Variants in MAGI1 observed in about 807,000 individuals in gnomAD.
MAGI1 encodes the protein membrane associated guanylate kinase, WW and PDZ domain containing 1, also known as membrane-associated guanylate kinase, WW and PDZ domain-containing protein 1.
A neutral mutation model predicts 139.9 loss-of-function variants in MAGI1; 58 were observed. That is an observed-to-expected ratio of 0.41 (90% confidence interval 0.34 to 0.52). The LOEUF is 0.52. Ranked by LOEUF, MAGI1 falls within the 20% of genes least tolerant of loss-of-function variation. The probability of loss-of-function intolerance (pLI) is 0.12; values close to 1 mark genes in which losing one functional copy is unlikely to be tolerated. For synonymous variants in MAGI1, 812 were observed against 737.9 expected (o/e 1.10, Z -1.63); for missense variants, 1,874 against 1,901.6 (o/e 0.99, Z 0.27).
intron 2 of MAGI1, among the ~76,000 whole-genome samples, chr3:65,529,516 A>C (rs2078540272): frequency 6.6e-6 from 1 of 152,200 alleles, no homozygotes; most frequent in Admixed American, 6.5e-5. Context: ...CAAGGCATGT[A>C]ATGTGGCATG....
At chr3:65,910,769 C>T (rs2061626478) in intron 1 of MAGI1, among the ~76,000 whole-genome samples, 1 of 150,038 alleles carries the variant, frequency 6.7e-6, no homozygotes, top group Admixed American at 6.7e-5. Context: ...CATGAAGGTC[C>T]TGACCTAGTA....
At chr3:65,815,016 G>T (rs532305948) in intron 1 of MAGI1, among the ~76,000 whole-genome samples, 1 of 149,680 alleles carries the variant, frequency 6.7e-6, no homozygotes, top group Non-Finnish European at 1.5e-5. Flanking sequence ...CATCCACTTG[G>T]GAAACACAGC....
chr3:65,623,252 GGTT>G (rs55663245), intron 1 of MAGI1, among the ~76,000 whole-genome samples: 8 of 151,752 alleles, frequency 5.3e-5, no homozygotes, highest in African/African-American at 7.2e-5. Flanking sequence ...GTTGCTTTTT[GGTT>G]GTTGTTGTTG....
At chr3:66,030,478 A>C (rs2068530244) in intron 1 of MAGI1, among the ~76,000 whole-genome samples, 1 of 152,214 alleles carries the variant, frequency 6.6e-6, no homozygotes, top group Admixed American at 6.5e-5. Flanking sequence ...TACATTCTAG[A>C]GAAAGAGGTA....
intron 3 of MAGI1, among the ~76,000 whole-genome samples, chr3:65,480,427 G>C (rs1296733818): frequency 2.6e-5 from 4 of 151,822 alleles, no homozygotes; most frequent in African/African-American, 4.8e-5. Context: ...CAGCTACTTG[G>C]GGGTGCTGAA....
rs141683534 is a variant in MAGI1, at chr3:65,790,391, T to C, written c.314-168303A>G. On this transcript the variant is annotated intron_variant, in intron 1 of 22. Transcript: ENST00000402939. ...CTGAGGCCTCCTTGCAAAATAGTTG[T>C]CCAGCAAAGCTCTGCCTAAATAAAT... 2.0e-5 allele frequency among the ~76,000 whole-genome samples: 3 copies of C among 152,320 alleles called. No homozygotes were observed. In the East Asian group the frequency reaches 5.8e-4, roughly 29 times the overall value.
chr3:65,882,696 G>A (rs1312063505), intron 1 of MAGI1, among the ~76,000 whole-genome samples: 1 of 152,158 alleles, frequency 6.6e-6, no homozygotes, highest in Non-Finnish European at 1.5e-5. Context: ...ACTTTGGGAA[G>A]CTGAGGCAGG....
chr3:65,905,076 G>A (rs182674877), intron 1 of MAGI1, among the ~76,000 whole-genome samples: 99 of 152,246 alleles, frequency 6.5e-4, no homozygotes, highest in Middle Eastern at 3.4e-3. Flanking sequence ...CTAAAAATAA[G>A]AATAACACTA....
intron 1 of MAGI1, among the ~76,000 whole-genome samples, chr3:65,743,410 G>C (rs958001884): frequency 6.6e-6 from 1 of 152,020 alleles, no homozygotes; most frequent in Non-Finnish European, 1.5e-5. Context: ...ATCTCTGCCA[G>C]TATTTAAAAT....
At chr3:65,817,459 A>C (rs1451675579) in intron 1 of MAGI1, among the ~76,000 whole-genome samples, 2 of 152,196 alleles carry the variant, frequency 1.3e-5, no homozygotes, top group Non-Finnish European at 2.9e-5. Flanking sequence ...AGTAATACTA[A>C]AACCCAGGCA....
chr3:65,813,964 T>C (rs1427400642), intron 1 of MAGI1, among the ~76,000 whole-genome samples: 2 of 152,182 alleles, frequency 1.3e-5, no homozygotes, highest in Non-Finnish European at 1.5e-5. Context: ...ATCCCAGACT[T>C]AGCCATCCTC....
At chr3:65,374,918 A>T (rs73125514) in intron 18 of MAGI1, among the ~76,000 whole-genome samples, 5,298 of 152,302 alleles carry the variant, frequency 0.035, 136 homozygotes, top group Non-Finnish European at 0.049. Context: ...TTCTTCATTC[A>T]CATCCAAAAA....
intron 1 of MAGI1, among the ~76,000 whole-genome samples, chr3:65,812,464 T>TCACACACACACACACACA (rs1266501515): frequency 2.1e-5 from 2 of 93,764 alleles, no homozygotes; most frequent in African/African-American, 7.1e-5. Context: ...TCTCTCTCTC[T>TCACACACACACACACACA]CTCTCACACA....
intron 1 of MAGI1, among the ~76,000 whole-genome samples, chr3:65,862,762 T>TAGAGCCC (rs1238811035): frequency 2.0e-5 from 3 of 152,224 alleles, no homozygotes; most frequent in Admixed American, 1.3e-4. Context: ...ATGCAGAGCC[T>TAGAGCCC]AGAGCCCTGA....
intron 1 of MAGI1, among the ~76,000 whole-genome samples, chr3:65,695,858 A>C (rs1045426032): frequency 6.6e-6 from 1 of 152,210 alleles, no homozygotes; most frequent in Non-Finnish European, 1.5e-5. Flanking sequence ...GATGTCTGCC[A>C]TGAGTGTAGC....
intron 2 of MAGI1, among the ~76,000 whole-genome samples, chr3:65,521,865 T>C (rs1365368473): frequency 6.6e-6 from 1 of 152,218 alleles, no homozygotes; most frequent in Admixed American, 6.5e-5. Flanking sequence ...TTTTAAATTA[T>C]AATGGTGATT....
Position 65,573,506 on chromosome 3 carries a change from A to T in MAGI1, c.430+48466T>A, listed in dbSNP as rs112306048. On this transcript the variant is annotated intron_variant, in intron 2 of 22. Coordinates refer to ENST00000402939, the MANE Select transcript of MAGI1 (RefSeq NM_001033057.2). ...TAGTCCTCTCAGTAGACACAGAAAAAGTATTTCAGAAACTCCCACATTTAT... is the reference window on the plus strand; with the variant it reads ...TAGTCCTCTCAGTAGACACAGAAAATGTATTTCAGAAACTCCCACATTTAT... 6.7e-3 allele frequency among the ~76,000 whole-genome samples: 1,025 copies of T among 152,028 alleles called. 7 individuals are homozygous for T. Among genetic ancestry groups the T allele is most frequent in the African/African-American group, 0.023 (937 of 41,504 alleles).
intron 1 of MAGI1, among the ~76,000 whole-genome samples, chr3:65,718,979 G>GT (rs1483087163): frequency 5.2e-5 from 6 of 116,154 alleles, no homozygotes; most frequent in African/African-American, 2.0e-4. Flanking sequence ...CCTATATGTT[G>GT]TTTTTCAGAA....
intron 1 of MAGI1, among the ~76,000 whole-genome samples, chr3:65,964,843 AC>A (rs1341839337): frequency 6.6e-6 from 1 of 152,094 alleles, no homozygotes; most frequent in Non-Finnish European, 1.5e-5. Context: ...TTAGGAAGCC[AC>A]CCCCAAGTCC....
Sources: gnomAD v4.1 joint callset for allele counts (sites outside exome capture counted in the v4.1 genomes callset) on GRCh38, gnomAD v4.1.1 for gene constraint, MANE v1.5 for transcripts, NCBI Gene and HGNC (gene_info 2026-07-23, HGNC 2026-07-21) for gene names.